Variants in ST18 observed in about 807,000 individuals in gnomAD.
ST18 encodes the protein suppression of tumorigenicity 18 protein.
Under a neutral mutation model 110.0 loss-of-function variants are expected in ST18, and 50 were observed. That is an observed-to-expected ratio of 0.45 (90% CI 0.36 to 0.58). The LOEUF is 0.58. Among genes scored for constraint, ST18 ranks in the 20% least tolerant of loss-of-function variants. ST18 has a pLI of 0.00. For synonymous variants in ST18, 461 were observed against 452.4 expected (o/e 1.02, Z -0.24); for missense variants, 1,306 against 1,280.1 (o/e 1.02, Z -0.31).
chr8:52,283,656 G>A (rs2095422665), intron 2 of ST18, among the ~76,000 whole-genome samples: 1 of 152,214 alleles, frequency 6.6e-6, no homozygotes, highest in African/African-American at 2.4e-5. Context: ...GCTGCTGGAA[G>A]TCGCGTGTTA....
chr8:52,113,434 G>C, intron 25 of ST18, 96 bp from the exon 26 acceptor site: 2 of 1,461,270 alleles, frequency 1.4e-6, no homozygotes, highest in South Asian at 2.5e-5. Flanking sequence ...TCCGGGAGTC[G>C]GGAGGGAAGG....
chr8:52,198,845 C>A (rs918939319), intron 8 of ST18, among the ~76,000 whole-genome samples: 14 of 152,196 alleles, frequency 9.2e-5, no homozygotes, highest in African/African-American at 3.4e-4. Context: ...CTTTCTGTAG[C>A]CCTAACCCCT....
At chr8:52,210,631 C>T (rs2081866574) in intron 8 of ST18, among the ~76,000 whole-genome samples, 2 of 151,638 alleles carry the variant, frequency 1.3e-5, no homozygotes, top group Non-Finnish European at 2.9e-5. Context: ...GCACTCCAGC[C>T]TGGGAGACAG....
intron 2 of ST18, among the ~76,000 whole-genome samples, chr8:52,378,557 G>A (rs1332149090): frequency 1.3e-5 from 2 of 152,132 alleles, no homozygotes; most frequent in Non-Finnish European, 2.9e-5. Context: ...TTAGCCAGGA[G>A]GGCAGGCAGT....
intron 2 of ST18, among the ~76,000 whole-genome samples, chr8:52,331,432 G>A (rs1809351916): frequency 6.6e-6 from 1 of 151,944 alleles, no homozygotes; most frequent in Middle Eastern, 3.4e-3. Context: ...TTTTTAAGAG[G>A]TCATTTCCAG....
At chr8:52,346,342 G>C (rs1817763608) in intron 2 of ST18, among the ~76,000 whole-genome samples, 1 of 151,464 alleles carries the variant, frequency 6.6e-6, no homozygotes, top group Non-Finnish European at 1.5e-5. Flanking sequence ...AAGACACAAA[G>C]ACCAAGAATA....
chr8:52,198,439 A>G (rs1449079546), intron 8 of ST18, among the ~76,000 whole-genome samples: 1 of 152,236 alleles, frequency 6.6e-6, no homozygotes, highest in Non-Finnish European at 1.5e-5. Flanking sequence ...CTATAGATAT[A>G]CACAGGTTTT....
At chr8:52,342,921 TG>T (rs1437772552) in intron 2 of ST18, among the ~76,000 whole-genome samples, 12 of 152,178 alleles carry the variant, frequency 7.9e-5, no homozygotes, top group Admixed American at 7.9e-4. Flanking sequence ...CAAAAGTGAA[TG>T]GCAAAACGAA....
At chr8:52,120,489 A>C (rs2044274644) in intron 23 of ST18, among the ~76,000 whole-genome samples, 1 of 152,194 alleles carries the variant, frequency 6.6e-6, no homozygotes, top group Non-Finnish European at 1.5e-5. Context: ...CACTCCTTTC[A>C]AGACTTTCAA....
chr8:52,394,695 T>A (rs1037230754), intron 2 of ST18, among the ~76,000 whole-genome samples: 3 of 152,228 alleles, frequency 2.0e-5, no homozygotes, highest in African/African-American at 7.2e-5. Context: ...TGCCACAAAA[T>A]GAACACTGAG....
intron 2 of ST18, among the ~76,000 whole-genome samples, chr8:52,313,965 G>A (rs1279483404): frequency 6.6e-6 from 1 of 152,150 alleles, no homozygotes; most frequent in Non-Finnish European, 1.5e-5. Context: ...CTTCCATTTG[G>A]CCACGGGAGT....
chr8:52,216,735 G>A (rs1182976612), intron 6 of ST18, among the ~76,000 whole-genome samples: 1 of 152,136 alleles, frequency 6.6e-6, no homozygotes, highest in Non-Finnish European at 1.5e-5. Context: ...TATGGGAGTA[G>A]ATATTTTAAG....
chr8:52,329,365 T>C (rs926208182), intron 2 of ST18, among the ~76,000 whole-genome samples: 2 of 151,920 alleles, frequency 1.3e-5, no homozygotes, highest in African/African-American at 4.8e-5. Context: ...GCAGGCTTCA[T>C]GGAGACAGCC....
chr8:52,132,975 G>A (rs2050314671), intron 21 of ST18, 82 bp downstream of exon 21: 1 of 1,461,750 alleles, frequency 6.8e-7, no homozygotes, highest in South Asian at 1.2e-5. Context: ...CTCAATCCGT[G>A]TTCAATTGCA....
At chr8:52,281,405 G>A (rs966826868) in intron 2 of ST18, among the ~76,000 whole-genome samples, 87 of 151,962 alleles carry the variant, frequency 5.7e-4, no homozygotes, top group Non-Finnish European at 1.8e-4. Context: ...AGAGACTAAA[G>A]AAAAAATTAA....
chr8:52,279,125 T>A (rs949027401), intron 2 of ST18, among the ~76,000 whole-genome samples: 4 of 152,162 alleles, frequency 2.6e-5, no homozygotes, highest in Non-Finnish European at 5.9e-5. Flanking sequence ...ATTGTGGGAA[T>A]AACAGTTATA....
In ST18 at chr8:52,152,252, A is replaced by C. The variant is rs145520681; in HGVS notation, c.1807-2275T>G. Among the ~76,000 whole-genome samples, 920 of 152,270 alleles carry C rather than the reference A, an allele frequency of 6.0e-3. 17 individuals are homozygous for C. Among genetic ancestry groups the C allele is most frequent in the African/African-American group, 0.021 (879 of 41,536 alleles). On this transcript the variant is annotated intron_variant, in intron 15 of 25. Coordinates refer to ENST00000689386, the MANE Select transcript of ST18 (RefSeq NM_001352837.2). ...GAAGGGTCCCTTTCTGCCCATAGAT[A>C]GGCGATCACACGTTTACAGCATGGG...
At chr8:52,126,968 G>A (rs2047339436) in intron 22 of ST18, among the ~76,000 whole-genome samples, 1 of 152,152 alleles carries the variant, frequency 6.6e-6, no homozygotes, top group South Asian at 2.1e-4. Context: ...GTTCTATCCA[G>A]CCATTAATTC....
At chr8:52,222,698 G>A (rs1588811375) in intron 3 of ST18, among the ~76,000 whole-genome samples, 1 of 152,040 alleles carries the variant, frequency 6.6e-6, no homozygotes, top group African/African-American at 2.4e-5. Flanking sequence ...GACTGACATC[G>A]GATCACTCTA....
Sources: allele counts gnomAD v4.1 joint callset (sites outside exome capture counted in the v4.1 genomes callset), GRCh38; gene constraint gnomAD v4.1.1; transcripts MANE v1.5; gene names NCBI Gene and HGNC (gene_info 2026-07-23, HGNC 2026-07-21).